The following BMPR2 variants were observed in gnomAD, a reference collection of about 807,000 sequenced individuals.
BMPR2 encodes bone morphogenetic protein receptor type 2, also known as bone morphogenetic protein receptor type-2.
BMPR2 carries 29 observed loss-of-function variants against 100.8 expected under a neutral mutation model. The observed-to-expected ratio is 0.29, with a 90% confidence interval of 0.21 to 0.39. The LOEUF is 0.39. BMPR2 is among the 10% of genes least tolerant of loss of function. BMPR2 has a pLI of 1.00. For missense variants in BMPR2, 1,011 were observed against 1,274.5 expected (o/e 0.79, Z 3.15); for synonymous variants, 382 against 442.3 (o/e 0.86, Z 1.71).
chr2:202,500,859 T>G (rs1296713431), intron 3 of BMPR2, among the ~76,000 whole-genome samples: 1 of 152,200 alleles, frequency 6.6e-6, no homozygotes, highest in Admixed American at 6.5e-5. Context: ...TGTATTCCCC[T>G]GCACTCTGAC....
At chr2:202,427,215 C>T (rs908960718) in intron 1 of BMPR2, among the ~76,000 whole-genome samples, 20 of 151,776 alleles carry the variant, frequency 1.3e-4, no homozygotes, top group African/African-American at 4.8e-4. Context: ...GCCAGGTGTG[C>T]CAAGTGGTGA....
chr2:202,390,718 T>G (rs1690530456), intron 1 of BMPR2, among the ~76,000 whole-genome samples: 1 of 152,170 alleles, frequency 6.6e-6, no homozygotes, highest in South Asian at 2.1e-4. Context: ...AATGATATCT[T>G]GTTGGTTTAG....
chr2:202,504,237 G>A (rs528054054), intron 3 of BMPR2, among the ~76,000 whole-genome samples: 1 of 152,234 alleles, frequency 6.6e-6, no homozygotes, highest in East Asian at 1.9e-4. Flanking sequence ...CACTGTGGAA[G>A]CTTTGTTCTT....
chr2:202,528,618 A>G lies in BMPR2; in HGVS notation c.968-2176A>G, dbSNP rs182820704. Among the ~76,000 whole-genome samples, 5 of 152,396 alleles carry G rather than the reference A, an allele frequency of 3.3e-5. No homozygotes were observed. In the East Asian group the frequency reaches 9.6e-4, roughly 29 times the overall value. ...TAGCTTAGCCTAAACTATCTTAAAT[A>G]TGCTCAGAACACTTACATTAGCCTA... On this transcript the variant is annotated intron_variant, in intron 7 of 12. Transcript: ENST00000374580.
At chr2:202,474,191 C>T (rs560166575) in intron 3 of BMPR2, among the ~76,000 whole-genome samples, 2 of 151,844 alleles carry the variant, frequency 1.3e-5, no homozygotes, top group South Asian at 4.2e-4. Flanking sequence ...CACGGTGGCT[C>T]ACATCTATAA....
chr2:202,542,213 A>AT (rs1187299572), intron 9 of BMPR2, 98 bp from the exon 10 acceptor site: 51 of 1,415,596 alleles, frequency 3.6e-5, no homozygotes, highest in Middle Eastern at 2.1e-4. Flanking sequence ...TTGTGACACA[A>AT]TTTTTTTTGC....
At chr2:202,491,360 C>G (rs916980867) in intron 3 of BMPR2, among the ~76,000 whole-genome samples, 1 of 152,112 alleles carries the variant, frequency 6.6e-6, no homozygotes, top group Non-Finnish European at 1.5e-5. Flanking sequence ...CCGAGCCCAC[C>G]CTACCTCTTT....
At chr2:202,505,691 T>C (rs180979496) in intron 3 of BMPR2, among the ~76,000 whole-genome samples, 1 of 152,308 alleles carries the variant, frequency 6.6e-6, no homozygotes, top group East Asian at 1.9e-4. Context: ...ATAACCACTT[T>C]ATTTTATGGA....
Position 202,560,170 on chromosome 2 carries a change from G to A in BMPR2, c.*224G>A, listed in dbSNP as rs984950972. On this transcript the variant is annotated 3_prime_UTR_variant, in exon 13 of 13. Transcript: ENST00000374580. ...AAGTTTTGCACTTTTGTTTAGTCTC[G>A]CTAAAGTTATATTTGTCTGTTATGA... is the stretch of plus-strand genomic sequence containing the variant. 2.7e-5 allele frequency: 15 copies of A among 555,604 alleles called. No individual in the cohort carries two copies. Among genetic ancestry groups the A allele is most frequent in the Admixed American group, 6.3e-5 (2 of 31,824 alleles). 34.4% of individuals were successfully genotyped at this position (555,604 alleles called of 1,614,324 possible).
intron 10 of BMPR2, among the ~76,000 whole-genome samples, chr2:202,545,394 GTTC>G (rs1217774489): frequency 2.0e-5 from 3 of 151,896 alleles, no homozygotes; most frequent in Admixed American, 2.0e-4. Flanking sequence ...ATAGCAATCT[GTTC>G]TTATTTCCAG....
chr2:202,535,336 T>C (rs1232841135), intron 9 of BMPR2, among the ~76,000 whole-genome samples: 2 of 129,716 alleles, frequency 1.5e-5, no homozygotes, highest in South Asian at 2.7e-4. Flanking sequence ...GACGGGGCGG[T>C]TGCCAGGCAG....
intron 1 of BMPR2, among the ~76,000 whole-genome samples, chr2:202,429,850 G>C (rs1397609571): frequency 6.6e-6 from 1 of 152,124 alleles, no homozygotes; most frequent in African/African-American, 2.4e-5. Context: ...TCACTGTCAT[G>C]AGAACAGCAT....
At chr2:202,499,342 C>T (rs1328656963) in intron 3 of BMPR2, among the ~76,000 whole-genome samples, 1 of 152,158 alleles carries the variant, frequency 6.6e-6, no homozygotes, top group East Asian at 1.9e-4. Context: ...TTGGAGATAC[C>T]TGGTATCTTA....
chr2:202,567,351 G>A lies in BMPR2; in HGVS notation c.*7405G>A, dbSNP rs765547716. ...CCTCAGAACCCTCTTTCTTGTTAAC[G>A]GGTATCTTTTGTTGGTGTGTTTTGC... On this transcript the variant is annotated 3_prime_UTR_variant, in exon 13 of 13. Transcript: ENST00000374580. 8 of 152,520 alleles carry A rather than the reference G, an allele frequency of 5.2e-5. No homozygotes were observed. Among genetic ancestry groups the A allele is most frequent in the Non-Finnish European group, 1.0e-4 (7 of 68,002 alleles). 9.4% of individuals were successfully genotyped at this position (152,520 alleles called of 1,614,324 possible). A position where few individuals can be genotyped will look rare whatever the true frequency, so the allele number is the denominator to read the frequency against.
chr2:202,556,611 A>G, intron 12 of BMPR2, 80 bp downstream of exon 12: 1 of 1,465,794 alleles, frequency 6.8e-7, no homozygotes, highest in Non-Finnish European at 9.4e-7. Flanking sequence ...ACTAATAGAT[A>G]TATTTCAACT....
At chr2:202,395,567 T>G (rs960439324) in intron 1 of BMPR2, among the ~76,000 whole-genome samples, 6 of 152,190 alleles carry the variant, frequency 3.9e-5, no homozygotes, top group African/African-American at 1.4e-4. Flanking sequence ...TGGAGTAAGA[T>G]ATACAGAATG....
intron 3 of BMPR2, among the ~76,000 whole-genome samples, chr2:202,506,480 T>G (rs558983574): frequency 7.2e-5 from 11 of 152,270 alleles, no homozygotes; most frequent in Non-Finnish European, 8.8e-5. Flanking sequence ...GTTTTGTTTT[T>G]TTATAAGGGC....
intron 3 of BMPR2, among the ~76,000 whole-genome samples, 171 bp from the exon 4 acceptor site, chr2:202,513,548 T>C (rs573444634): frequency 4.6e-5 from 7 of 152,332 alleles, no homozygotes; most frequent in African/African-American, 1.7e-4. Context: ...TTAAAAAATA[T>C]AATTTGTAAT....
Position 202,429,064 on chromosome 2 carries a change from T to C in BMPR2, c.77-35745T>C, listed in dbSNP as rs16839152. Among the ~76,000 whole-genome samples, 223 of 152,288 alleles carry C rather than the reference T, an allele frequency of 1.5e-3. 8 individuals are homozygous for C. The East Asian group carries it at 0.041, about 28-fold the overall frequency. On this transcript the variant is annotated intron_variant, in intron 1 of 12. Coordinates refer to ENST00000374580, the MANE Select transcript of BMPR2 (RefSeq NM_001204.7). ...CTAGTTCCATTTGGCCCCATAAATA[T>C]CTCTAGAATCTATTCCTTTCTTGTT...
Sources: gnomAD v4.1 joint callset for allele counts (sites outside exome capture counted in the v4.1 genomes callset) on GRCh38, gnomAD v4.1.1 for gene constraint, MANE v1.5 for transcripts, NCBI Gene and HGNC (gene_info 2026-07-23, HGNC 2026-07-21) for gene names.